Variants in CLMP observed in about 807,000 individuals in gnomAD.
CLMP encodes the protein CXADR-like membrane protein.
Under a neutral mutation model 45.2 loss-of-function variants are expected in CLMP, and 27 were observed. That is an observed-to-expected ratio of 0.60 (90% CI 0.44 to 0.82). The LOEUF (loss-of-function observed/expected upper bound fraction) is 0.82. Ranked by LOEUF, CLMP falls within the 40% of genes least tolerant of loss-of-function variation. The pLI is 0.00. For missense variants in CLMP, 403 were observed against 448.4 expected (o/e 0.90, Z 0.91); for synonymous variants, 167 against 171.4 (o/e 0.97, Z 0.20).
intron 1 of CLMP, among the ~76,000 whole-genome samples, chr11:123,155,335 T>C (rs184726246): frequency 1.1e-4 from 16 of 152,252 alleles, no homozygotes; most frequent in Admixed American, 1.0e-3. Flanking sequence ...TCTTGACTTG[T>C]ATTACCATTG....
chr11:123,085,451 G>A (rs1195882854), intron 2 of CLMP, among the ~76,000 whole-genome samples: 2 of 151,964 alleles, frequency 1.3e-5, no homozygotes, highest in South Asian at 4.1e-4. Context: ...GTTTCGCCAT[G>A]TTGGCCAGGC....
chr11:123,164,186 A>G (rs12272626), intron 1 of CLMP, among the ~76,000 whole-genome samples: 4,624 of 152,128 alleles, frequency 0.03, 212 homozygotes, highest in African/African-American at 0.094. Flanking sequence ...CATTCGTATC[A>G]TATAATTTAT....
intron 1 of CLMP, among the ~76,000 whole-genome samples, chr11:123,106,428 C>T (rs76949313): frequency 0.038 from 2,996 of 79,134 alleles, 42 homozygotes; most frequent in Non-Finnish European, 0.052. Context: ...TGTGTGTGCG[C>T]GCGCGCGCGC....
chr11:123,183,299 C>T (rs1238828245), intron 1 of CLMP, among the ~76,000 whole-genome samples: 4 of 152,090 alleles, frequency 2.6e-5, no homozygotes, highest in African/African-American at 4.8e-5. Context: ...GGCGGGATCT[C>T]GGCTCACTGC....
intron 1 of CLMP, among the ~76,000 whole-genome samples, chr11:123,138,201 G>A (rs1861105240): frequency 6.6e-6 from 1 of 152,028 alleles, no homozygotes; most frequent in African/African-American, 2.4e-5. Context: ...CACATGGACT[G>A]TTTTTAAATT....
At chr11:123,177,419 C>T (rs1218593981) in intron 1 of CLMP, among the ~76,000 whole-genome samples, 2 of 152,172 alleles carry the variant, frequency 1.3e-5, no homozygotes, top group Non-Finnish European at 2.9e-5. Context: ...CAGGAACCCT[C>T]AGCTGGAGGA....
intron 1 of CLMP, among the ~76,000 whole-genome samples, chr11:123,142,752 G>C (rs995343816): frequency 1.5e-5 from 2 of 136,884 alleles, no homozygotes; most frequent in Admixed American, 1.5e-4. Context: ...TCAGCCTCCC[G>C]AGTAGCTGGG....
At chr11:123,135,311 T>A (rs1377252213) in intron 1 of CLMP, among the ~76,000 whole-genome samples, 2 of 139,466 alleles carry the variant, frequency 1.4e-5, no homozygotes, top group African/African-American at 5.5e-5. Flanking sequence ...GCAGTGTTTG[T>A]GGTGTTCTCA....
At position 123,111,330 on chromosome 11, in the gene CLMP, C is replaced by T. The variant is rs548711967; in HGVS notation, c.29-13378G>A. ...GTTTTTAGTAGAGACGGAGTTTCAC[C>T]GTGTTGGCCTGGCTGGCATGGAACT... On this transcript the variant is annotated intron_variant, in intron 1 of 6. Coordinates refer to ENST00000448775, the MANE Select transcript of CLMP (RefSeq NM_024769.5). Among the ~76,000 whole-genome samples, 4 of 152,234 alleles carry T rather than the reference C, an allele frequency of 2.6e-5. No homozygotes were observed. In the South Asian group the frequency reaches 8.3e-4, roughly 32 times the overall value.
chr11:123,073,749 G>A lies in CLMP; in HGVS notation c.847C>T (p.Arg283Cys), dbSNP rs773543924. The change falls in exon 7 of 7, where the codon CGT becomes TGT. Residue 283 changes from arginine (R) to cysteine (C), a missense_variant. By Grantham distance (180) the Arg-to-Cys change is radical (BLOSUM62 -3). Transcript: ENST00000448775. ...GAAGAGGAGCTGGGTTTCACAAGAC[G>A]GGCTTTTGGAGCTTCAGCATCTTCT... ...IREDAEAPKA[R>C]LVKPSSSSSG... 2.5e-6 allele frequency: 4 copies of A among 1,602,252 alleles called. No homozygotes were observed. The highest frequency in any genetic ancestry group is 3.4e-6 in the Non-Finnish European group (4 of 1,174,578).
chr11:123,194,609 C>T (rs753774120), intron 1 of CLMP, among the ~76,000 whole-genome samples: 4 of 152,208 alleles, frequency 2.6e-5, no homozygotes, highest in Non-Finnish European at 5.9e-5. Flanking sequence ...GATAAACCTT[C>T]CCTCCACCAA....
intron 1 of CLMP, among the ~76,000 whole-genome samples, chr11:123,100,685 C>A (rs925481024): frequency 2.6e-5 from 4 of 152,128 alleles, no homozygotes; most frequent in Admixed American, 1.3e-4. Context: ...TGCTTTATTT[C>A]TTTATTTTTC....
chr11:123,181,941 G>T (rs1214255196), intron 1 of CLMP, among the ~76,000 whole-genome samples: 4 of 152,130 alleles, frequency 2.6e-5, no homozygotes, highest in Non-Finnish European at 5.9e-5. Flanking sequence ...CTTATTTTGG[G>T]CTCCCTACTG....
At position 123,100,090 on chromosome 11, in the gene CLMP, G is replaced by T. The variant is rs1866037403; in HGVS notation, c.29-2138C>A. Among the ~76,000 whole-genome samples, 5 of 152,198 alleles carry T rather than the reference G, an allele frequency of 3.3e-5. No individual in the cohort carries two copies. The South Asian group carries it at 1.0e-3, about 32-fold the overall frequency. On this transcript the variant is annotated intron_variant, in intron 1 of 6. Coordinates refer to ENST00000448775, the MANE Select transcript of CLMP (RefSeq NM_024769.5). ...AAAAGGATTCAAAAGCGAAGACTGG[G>T]CCCGGCACGGTGGCTCACGCCTGTA... is the stretch of plus-strand genomic sequence containing the variant.
intron 1 of CLMP, among the ~76,000 whole-genome samples, chr11:123,150,480 A>AAAGAAAGAAAGAAGGAAAGG (rs764502298): frequency 4.9e-5 from 2 of 40,960 alleles, no homozygotes; most frequent in African/African-American, 2.3e-4. Flanking sequence ...AGAAAGAAAG[A>AAAGAAAGAAAGAAGGAAAGG]AAGGAAGGAA....
At chr11:123,190,019 AAAAAC>A (rs1305532915) in intron 1 of CLMP, among the ~76,000 whole-genome samples, 24 of 148,962 alleles carry the variant, frequency 1.6e-4, no homozygotes, top group African/African-American at 5.7e-4. Flanking sequence ...AAAAAAAAAA[AAAAAC>A]AAAGCTCCTG....
intron 1 of CLMP, among the ~76,000 whole-genome samples, chr11:123,127,622 C>T (rs1208073822): frequency 6.6e-6 from 1 of 152,154 alleles, no homozygotes; most frequent in Non-Finnish European, 1.5e-5. Flanking sequence ...ATCAGCATTA[C>T]TCCAATCCCA....
At chr11:123,194,657 C>T (rs926207536) in intron 1 of CLMP, among the ~76,000 whole-genome samples, 2 of 152,258 alleles carry the variant, frequency 1.3e-5, no homozygotes, top group Admixed American at 6.5e-5. Flanking sequence ...AACTAAACAC[C>T]GCCCTAAAGA....
intron 1 of CLMP, among the ~76,000 whole-genome samples, chr11:123,187,854 A>G (rs1421583813): frequency 6.6e-6 from 1 of 151,980 alleles, no homozygotes; most frequent in African/African-American, 2.4e-5. Context: ...GATTAATTCT[A>G]CTCATTTCTG....
Sources: gnomAD v4.1 joint callset for allele counts (sites outside exome capture counted in the v4.1 genomes callset) on GRCh38, gnomAD v4.1.1 for gene constraint, MANE v1.5 for transcripts, NCBI Gene and HGNC (gene_info 2026-07-23, HGNC 2026-07-21) for gene names.